The following TANC2 variants were observed in gnomAD, a reference collection of about 807,000 sequenced individuals.
TANC2 encodes the protein tetratricopeptide repeat, ankyrin repeat and coiled-coil containing 2.
In TANC2, 26 loss-of-function variants were observed where a neutral mutation model predicts 210.5. The observed-to-expected ratio is 0.12, with a 90% CI of 0.09 to 0.17. TANC2 has a LOEUF of 0.17. Among genes scored for constraint, TANC2 ranks in the 10% least tolerant of loss-of-function variants. TANC2 has a pLI of 1.00. For missense variants in TANC2, 2,129 were observed against 2,608.9 expected, an observed-to-expected ratio of 0.82 and a Z score of 4.01; for synonymous variants, 931 against 967.1, an observed-to-expected ratio of 0.96 and a Z score of 0.69.
At chr17:63,101,941 T>C (rs2037638047) in intron 4 of TANC2, among the ~76,000 whole-genome samples, 1 of 152,102 alleles carries the variant, frequency 6.6e-6, no homozygotes, top group Non-Finnish European at 1.5e-5. Flanking sequence ...GAGCTTGGCA[T>C]GTTCAAGGAA....
intron 2 of TANC2, among the ~76,000 whole-genome samples, chr17:63,010,579 G>T (rs1480617087): frequency 6.6e-6 from 1 of 151,840 alleles, no homozygotes; most frequent in Non-Finnish European, 1.5e-5. Context: ...AGACCCTATG[G>T]GTTATGGTCT....
chr17:63,144,159 T>A (rs1183671862), intron 4 of TANC2, among the ~76,000 whole-genome samples: 1 of 152,164 alleles, frequency 6.6e-6, no homozygotes, highest in Non-Finnish European at 1.5e-5. Flanking sequence ...CTAGGTAGAT[T>A]TCAATATTTT....
chr17:63,130,911 G>A (rs779222139), intron 4 of TANC2: 1 of 152,120 alleles, frequency 6.6e-6, no homozygotes, highest in African/African-American at 2.4e-5. Flanking sequence ...TAAACATTTT[G>A]TTTTTCAGGA....
chr17:63,361,204 TG>T (rs1156443481), intron 14 of TANC2, among the ~76,000 whole-genome samples: 1 of 152,200 alleles, frequency 6.6e-6, no homozygotes, highest in African/African-American at 2.4e-5. Flanking sequence ...ACAGGATCTT[TG>T]GGGTGTTGCT....
chr17:63,306,012 G>A (rs1164328614), intron 9 of TANC2, among the ~76,000 whole-genome samples: 1 of 152,212 alleles, frequency 6.6e-6, no homozygotes, highest in Admixed American at 6.5e-5. Context: ...ATTTGATACA[G>A]CAGAAAACTG....
chr17:63,200,678 G>GT (rs536980989), intron 6 of TANC2, 93 bp from the exon 7 acceptor site: 37,620 of 972,220 alleles, frequency 0.039, 1 homozygote, highest in South Asian at 0.053. Context: ...TATGCATGTA[G>GT]TTTTTTTTTT....
Position 63,421,258 on chromosome 17 carries a change from C to G in TANC2, c.5528C>G (p.Pro1843Arg), listed in dbSNP as rs746202328. The G allele has an allele frequency of 1.9e-6, 3 of 1,613,892 alleles. No individual in the cohort carries two copies. The highest frequency in any genetic ancestry group is 4.5e-5 in the East Asian group (2 of 44,900). Residue 1843 changes from proline to arginine, a missense_variant, in exon 28 of 28, where the codon CCT (proline) becomes CGT (arginine). Around this residue, in one of 5 missense-constraint regions of TANC2, gnomAD observed 584 missense variants for 627.3 expected, o/e 0.93. Transcript: ENST00000689528. The surrounding 1 kb of genome is among the most constrained non-coding windows in gnomAD (Gnocchi z 6.9). ...ATCAGAAGACCTATCAGTGTCAACC[C>G]TAACGAAATCAAACCGCACCCGCCA...
intron 3 of TANC2, among the ~76,000 whole-genome samples, chr17:63,075,824 G>A (rs2036553510): frequency 6.6e-6 from 1 of 151,932 alleles, no homozygotes; most frequent in South Asian, 2.1e-4. Flanking sequence ...TGGCCAGAAA[G>A]AAAATTATAA....
At chr17:63,281,109 G>A (rs1397840009) in intron 9 of TANC2, among the ~76,000 whole-genome samples, 2 of 152,098 alleles carry the variant, frequency 1.3e-5, no homozygotes, top group Admixed American at 1.3e-4. Flanking sequence ...ACTGGAGAGT[G>A]GCAGAAAGCA....
intron 14 of TANC2, among the ~76,000 whole-genome samples, chr17:63,370,142 T>C (rs531298949): frequency 3.0e-4 from 46 of 152,218 alleles, no homozygotes; most frequent in South Asian, 1.5e-3. Flanking sequence ...TTCACTGATA[T>C]TGAGATAAAC....
At chr17:63,225,724 T>C (rs1165389886) in intron 7 of TANC2, among the ~76,000 whole-genome samples, 1 of 152,218 alleles carries the variant, frequency 6.6e-6, no homozygotes, top group Non-Finnish European at 1.5e-5. Flanking sequence ...ATTCATTATT[T>C]TTCATCTCCT....
intron 8 of TANC2, among the ~76,000 whole-genome samples, chr17:63,266,345 C>T (rs1004676557): frequency 4.6e-5 from 7 of 152,044 alleles, no homozygotes; most frequent in East Asian, 1.9e-4. Flanking sequence ...AGTATTGTTA[C>T]GGCACAGTGC....
At chr17:63,286,643 A>C (rs2044230178) in intron 9 of TANC2, among the ~76,000 whole-genome samples, 1 of 152,156 alleles carries the variant, frequency 6.6e-6, no homozygotes. Context: ...GTGGGCTTAT[A>C]GTTTTCTTCA....
In TANC2 at chr17:62,997,595, ATACT is replaced by A. The variant is rs1186840817; in HGVS notation, c.-23-11939_-23-11936del. The stretch of plus-strand genomic sequence containing the variant: ...ATTGTATGGATTGACTGGAAAGATA[ATACT>A]TAGTTCATCATTTGGATCAGTTTGT... On this transcript the variant is annotated intron_variant, in intron 1 of 27. Transcript: ENST00000689528. Among the ~76,000 whole-genome samples the A allele has an allele frequency of 4.6e-5, 7 of 152,322 alleles. No homozygotes were observed. In the South Asian group the frequency reaches 8.3e-4, roughly 18 times the overall value.
At chr17:63,041,684 GTCTC>G (rs371015319) in intron 2 of TANC2, among the ~76,000 whole-genome samples, 32 of 152,220 alleles carry the variant, frequency 2.1e-4, no homozygotes, top group Middle Eastern at 3.4e-3. Flanking sequence ...AACTAGAAGA[GTCTC>G]TCTAAAAAGA....
chr17:63,301,511 G>A (rs910564470), intron 9 of TANC2, among the ~76,000 whole-genome samples: 10 of 152,158 alleles, frequency 6.6e-5, no homozygotes, highest in African/African-American at 2.4e-4. Flanking sequence ...CCTTGGGAGG[G>A]TGTATGTGTC....
chr17:63,278,597 G>T (rs937380018), intron 9 of TANC2, among the ~76,000 whole-genome samples: 10 of 152,090 alleles, frequency 6.6e-5, no homozygotes, highest in African/African-American at 2.4e-4. Flanking sequence ...AAATAGAACT[G>T]CCATATGATC....
At chr17:63,375,243 A>C (rs1384858982) in intron 14 of TANC2, among the ~76,000 whole-genome samples, 1 of 152,236 alleles carries the variant, frequency 6.6e-6, no homozygotes, top group Non-Finnish European at 1.5e-5. Context: ...GTAATAATGT[A>C]GCATGCTTGT....
chr17:63,002,304 G>T lies in TANC2; in HGVS notation c.-23-7233G>T, dbSNP rs2033422087. On this transcript the variant is annotated intron_variant, in intron 1 of 27. Transcript: ENST00000689528. ...AAGGCAGTTCTCTGGAGAAGTGGGG[G>T]AGCATCTCCAAGCCATTAACAGCTC... Among the ~76,000 whole-genome samples the T allele has an allele frequency of 2.0e-5, 3 of 152,172 alleles. No individual in the cohort carries two copies. In the South Asian group the frequency reaches 6.2e-4, roughly 32 times the overall value.
Sources: gnomAD v4.1 joint callset for allele counts (sites outside exome capture counted in the v4.1 genomes callset) on GRCh38, gnomAD v4.1.1 for gene constraint, gnomAD v4.1.1 regional missense constraint, Gnocchi (gnomAD v3.1) non-coding constraint, MANE v1.5 for transcripts, NCBI Gene and HGNC (gene_info 2026-07-23, HGNC 2026-07-21) for gene names.